The following PREX2 variants were observed in gnomAD, a reference collection of about 807,000 sequenced individuals.
PREX2 encodes the protein phosphatidylinositol-3,4,5-trisphosphate dependent Rac exchange factor 2, also known as phosphatidylinositol 3,4,5-trisphosphate-dependent Rac exchanger 2 protein.
A neutral mutation model predicts 203.2 loss-of-function variants in PREX2; 107 were observed. The ratio of observed to expected loss-of-function variants is 0.53; its 90% CI spans 0.45 to 0.62. The LOEUF (loss-of-function observed/expected upper bound fraction) is 0.62, where lower values mean the gene tolerates loss of function less well. Among genes scored for constraint, PREX2 ranks in the 20% least tolerant of loss-of-function variants. PREX2 has a pLI of 0.00. For missense variants in PREX2, 1,777 were observed against 1,955.9 expected (o/e 0.91, Z 1.72); for synonymous variants, 672 against 663.6 (o/e 1.01, Z -0.19).
intron 1 of PREX2, among the ~76,000 whole-genome samples, chr8:68,015,689 C>T (rs1807391185): frequency 1.3e-5 from 2 of 151,966 alleles, no homozygotes; most frequent in South Asian, 2.1e-4. Context: ...AAATAAACCA[C>T]CATGTTATTT....
At chr8:68,028,457 G>T (rs1411338942) in intron 5 of PREX2, among the ~76,000 whole-genome samples, 1 of 151,846 alleles carries the variant, frequency 6.6e-6, no homozygotes. Flanking sequence ...TGCTTTTTAA[G>T]AAATAAATGT....
rs1261578482 is a variant in PREX2, at chr8:68,060,765, G to A, written c.1325G>A (p.Gly442Glu). ...VHLGQALLEN[G>E]IIHHVTDKHQ... ...TTGGGACAAGCATTATTAGAAAATGGAATCATTCACCATGGTAATTACTTT... is the reference window on the plus strand; with the variant it reads ...TTGGGACAAGCATTATTAGAAAATGAAATCATTCACCATGGTAATTACTTT... Residue 442 changes from glycine (G) to glutamate (E), a missense_variant, in exon 11 of 40, where the codon GGA becomes GAA. Physicochemically the swap from Gly to Glu is moderately conservative, Grantham distance 98 (BLOSUM62 -2). Transcript: ENST00000288368. The A allele has an allele frequency of 1.9e-5, 31 of 1,603,146 alleles. No homozygotes were observed. The highest frequency in any genetic ancestry group is 2.5e-5 in the Non-Finnish European group (29 of 1,172,748).
At chr8:68,005,307 C>G (rs1807061361) in intron 1 of PREX2, among the ~76,000 whole-genome samples, 1 of 152,186 alleles carries the variant, frequency 6.6e-6, no homozygotes, top group Non-Finnish European at 1.5e-5. Context: ...CACCACCTTA[C>G]CCACAGCACC....
intron 35 of PREX2, among the ~76,000 whole-genome samples, chr8:68,172,202 C>A (rs1811889719): frequency 6.6e-6 from 1 of 152,162 alleles, no homozygotes; most frequent in Admixed American, 6.6e-5. Context: ...ACAACTAAAT[C>A]TACAAAGTAT....
In PREX2 at chr8:68,224,680, C is replaced by T. The variant is rs376915730; in HGVS notation, c.4775+54C>T. The stretch of plus-strand genomic sequence containing the variant: ...CCGAAAGATTTGCCAGCATTTTCCC[C>T]GGCAGTGTCCCTCCGCTAATGCAAC... On this transcript the variant is annotated intron_variant, in intron 39 of 39. Coordinates refer to ENST00000288368, the MANE Select transcript of PREX2 (RefSeq NM_024870.4). The T allele has an allele frequency of 2.5e-3, 3,311 of 1,342,036 alleles. 4 individuals are homozygous for T. Among genetic ancestry groups the T allele is most frequent in the Middle Eastern group, 3.6e-3 (20 of 5,548 alleles). 83.1% of individuals were successfully genotyped at this position (1,342,036 alleles called of 1,614,324 possible).
chr8:67,991,339 A>G (rs933058312), intron 1 of PREX2, among the ~76,000 whole-genome samples: 4 of 152,142 alleles, frequency 2.6e-5, no homozygotes, highest in African/African-American at 9.7e-5. Flanking sequence ...CAAGGTAGAG[A>G]GCAAAAATGA....
At chr8:68,119,663 T>G in intron 28 of PREX2, 149 bp downstream of exon 28, 1 of 630,572 alleles carries the variant, frequency 1.6e-6, no homozygotes, top group Non-Finnish European at 2.8e-6. Context: ...ACATTTAAAC[T>G]AGGAATCAAC....
rs574494114 is a variant in PREX2 at position 68,224,966 on chromosome 8, G to A, written c.4775+340G>A. 1.5e-3 allele frequency among the ~76,000 whole-genome samples: 221 copies of A among 152,046 alleles called. No homozygotes were observed. The Middle Eastern group carries it at 0.017, about 12-fold the overall frequency. ...ACATGCTGTTCCTTCTAGCATGATT[G>A]CCTTTCCCATATGTGTTTGTATGGG... On this transcript the variant is annotated intron_variant, in intron 39 of 39. Transcript: ENST00000288368.
chr8:68,100,026 T>C, intron 23 of PREX2, 183 bp downstream of exon 23: 3 of 726,604 alleles, frequency 4.1e-6, no homozygotes, highest in Non-Finnish European at 7.6e-6. Flanking sequence ...ATTTGATCTT[T>C]GCAAACTTGT....
At chr8:67,954,126 C>A (rs1283086684) in intron 1 of PREX2, among the ~76,000 whole-genome samples, 1 of 152,142 alleles carries the variant, frequency 6.6e-6, no homozygotes, top group East Asian at 1.9e-4. Flanking sequence ...CAACAGAAAA[C>A]TTACTGTTAG....
Position 68,112,022 on chromosome 8 carries a change from A to C in PREX2, c.3146+2399A>C, listed in dbSNP as rs138818983. On this transcript the variant is annotated intron_variant, in intron 25 of 39. Coordinates refer to ENST00000288368, the MANE Select transcript of PREX2 (RefSeq NM_024870.4). ...GTCCTGGGGTTGAGCTTGTCTTATC[A>C]TAAAGTCTGGTTGTTCTGTCACCTG... 3.4e-3 allele frequency among the ~76,000 whole-genome samples: 520 copies of C among 152,308 alleles called. 1 individual carries two copies. Among genetic ancestry groups the C allele is most frequent in the African/African-American group, 0.012 (508 of 41,572 alleles).
intron 16 of PREX2, 66 bp downstream of exon 16, chr8:68,080,651 A>G (rs1809492275): frequency 2.7e-6 from 4 of 1,473,294 alleles, no homozygotes; most frequent in Non-Finnish European, 3.7e-6. Flanking sequence ...ACTGCGTTAA[A>G]CATGTTTGAC....
chr8:68,156,907 A>C (rs181130499), intron 34 of PREX2, among the ~76,000 whole-genome samples: 1 of 152,134 alleles, frequency 6.6e-6, no homozygotes, highest in Non-Finnish European at 1.5e-5. Context: ...GGAAACTTCT[A>C]CTCGGTTTTC....
At chr8:68,218,530 C>G (rs367874262) in intron 38 of PREX2, among the ~76,000 whole-genome samples, 1 of 152,200 alleles carries the variant, frequency 6.6e-6, no homozygotes, top group African/African-American at 2.4e-5. Flanking sequence ...ACAAATTTCT[C>G]TACTTGCTGA....
At chr8:68,123,105 T>A (rs1810812857) in intron 30 of PREX2, among the ~76,000 whole-genome samples, 1 of 152,122 alleles carries the variant, frequency 6.6e-6, no homozygotes, top group African/African-American at 2.4e-5. Context: ...CAGTGGGTTG[T>A]TGAAGTCTCC....
chr8:68,008,233 T>C (rs1355015094), intron 1 of PREX2, among the ~76,000 whole-genome samples: 1 of 152,204 alleles, frequency 6.6e-6, no homozygotes, highest in East Asian at 1.9e-4. Context: ...TTCTAAATAC[T>C]CAGGATATTT....
At chr8:68,023,394 T>C (rs1807624417) in intron 4 of PREX2, among the ~76,000 whole-genome samples, 1 of 152,206 alleles carries the variant, frequency 6.6e-6, no homozygotes, top group Non-Finnish European at 1.5e-5. Context: ...TTAAGCATGC[T>C]TTCATGTGCT....
chr8:68,057,138 A>T (rs1696333633), intron 10 of PREX2, among the ~76,000 whole-genome samples: 1 of 152,132 alleles, frequency 6.6e-6, no homozygotes, highest in South Asian at 2.1e-4. Flanking sequence ...TGCTGGTCTC[A>T]TGATGGTGAG....
chr8:68,106,987 A>T (rs1385879453), intron 23 of PREX2, among the ~76,000 whole-genome samples: 2 of 152,064 alleles, frequency 1.3e-5, no homozygotes, highest in Non-Finnish European at 2.9e-5. Context: ...ATTCAGTCTA[A>T]CTCTATGAGA....
Sources: gnomAD v4.1 joint callset for allele counts (sites outside exome capture counted in the v4.1 genomes callset) on GRCh38, gnomAD v4.1.1 for gene constraint, MANE v1.5 for transcripts, NCBI Gene and HGNC (gene_info 2026-07-23, HGNC 2026-07-21) for gene names.